SND1: variants seen among roughly 807,000 people sequenced by gnomAD.
SND1 encodes staphylococcal nuclease domain-containing protein 1.
In SND1, 38 loss-of-function variants were observed where a neutral mutation model predicts 121.7. The observed-to-expected ratio is 0.31, with a 90% confidence interval of 0.24 to 0.41. SND1 has a LOEUF of 0.41. Among genes scored for constraint, SND1 ranks in the 10% least tolerant of loss-of-function variants. The probability of loss-of-function intolerance (pLI) is 1.00; values close to 1 mark genes in which losing one functional copy is unlikely to be tolerated. For missense variants in SND1, 868 were observed against 1,184.6 expected, an observed-to-expected ratio of 0.73 and a Z score of 3.92; for synonymous variants, 401 against 447.4, an observed-to-expected ratio of 0.90 and a Z score of 1.31.
chr7:128,021,472 C>T (rs1803347528), intron 16 of SND1, among the ~76,000 whole-genome samples: 1 of 152,174 alleles, frequency 6.6e-6, no homozygotes, highest in Non-Finnish European at 1.5e-5. Context: ...TCTTAATGAA[C>T]CTGGATGAGT....
At chr7:127,791,107 A>G (rs973343500) in intron 10 of SND1, among the ~76,000 whole-genome samples, 2 of 151,424 alleles carry the variant, frequency 1.3e-5, no homozygotes, top group Non-Finnish European at 2.9e-5. Flanking sequence ...TAAATAAATC[A>G]GCAGAGTATT....
intron 12 of SND1, among the ~76,000 whole-genome samples, chr7:127,866,511 A>C (rs1184631238): frequency 6.6e-6 from 1 of 152,124 alleles, no homozygotes; most frequent in Non-Finnish European, 1.5e-5. Context: ...GTAGTGATTT[A>C]GTTATTTATA....
chr7:127,868,595 A>G (rs1799521491), intron 12 of SND1, among the ~76,000 whole-genome samples: 1 of 152,168 alleles, frequency 6.6e-6, no homozygotes, highest in South Asian at 2.1e-4. Flanking sequence ...CATTTAGAGC[A>G]TTAGCTTTGT....
At chr7:127,755,072 C>T (rs1004694147) in intron 10 of SND1, among the ~76,000 whole-genome samples, 3 of 152,162 alleles carry the variant, frequency 2.0e-5, no homozygotes, top group African/African-American at 7.2e-5. Context: ...AAACATTTGG[C>T]ATATGATCTT....
intron 10 of SND1, among the ~76,000 whole-genome samples, chr7:127,755,196 C>T (rs986310170): frequency 2.6e-5 from 4 of 152,126 alleles, no homozygotes; most frequent in Non-Finnish European, 4.4e-5. Context: ...AACTCTTCAC[C>T]GTATCATTAC....
At position 127,702,537 on chromosome 7, in the gene SND1, A is replaced by C; in HGVS notation, c.681+11A>C. On this transcript the variant is annotated intron_variant, in intron 6 of 23. Transcript: ENST00000354725. ...CTGTCAGGCATCAAGGTCAGACCATACTCTTGGCTACGTGGTGGGTTTAGA... is the reference window on the plus strand; with the variant it reads ...CTGTCAGGCATCAAGGTCAGACCATCCTCTTGGCTACGTGGTGGGTTTAGA... 1 of 1,610,326 alleles carries C rather than the reference A, an allele frequency of 6.2e-7. No individual in the cohort carries two copies. Among genetic ancestry groups the C allele is most frequent in the Non-Finnish European group, 8.5e-7 (1 of 1,176,782 alleles).
intron 10 of SND1, among the ~76,000 whole-genome samples, chr7:127,806,404 C>G (rs557617740): frequency 6.6e-6 from 1 of 152,346 alleles, no homozygotes; most frequent in South Asian, 2.1e-4. Flanking sequence ...ATAGCCACCT[C>G]TTTTAGGAGA....
intron 1 of SND1, among the ~76,000 whole-genome samples, chr7:127,656,312 TTTTC>T (rs1384843722): frequency 1.3e-3 from 197 of 151,670 alleles, no homozygotes; most frequent in African/African-American, 4.5e-3. Flanking sequence ...TTTCTTTTTC[TTTTC>T]TTTCTTTCTT....
chr7:128,042,238 C>T (rs1381289796), intron 16 of SND1: 1 of 152,208 alleles, frequency 6.6e-6, no homozygotes, highest in Non-Finnish European at 1.5e-5. Flanking sequence ...GACAGGGACT[C>T]TCCTCCCTCC....
chr7:127,760,127 G>C (rs557515525), intron 10 of SND1, among the ~76,000 whole-genome samples: 1 of 152,332 alleles, frequency 6.6e-6, no homozygotes, highest in South Asian at 2.1e-4. Flanking sequence ...CAACATGCCA[G>C]ACTTGCTCTG....
At chr7:127,942,725 A>G (rs1237490277) in intron 15 of SND1, among the ~76,000 whole-genome samples, 1 of 152,222 alleles carries the variant, frequency 6.6e-6, no homozygotes, top group African/African-American at 2.4e-5. Context: ...GTTGTTAGGC[A>G]AGCACAAATT....
intron 13 of SND1, among the ~76,000 whole-genome samples, chr7:127,889,079 T>C (rs1258364923): frequency 6.6e-6 from 1 of 152,140 alleles, no homozygotes; most frequent in Non-Finnish European, 1.5e-5. Flanking sequence ...GTCAGGCTGC[T>C]GTGGCTTTTG....
At chr7:127,705,657 A>T (rs1796177675) in intron 8 of SND1, among the ~76,000 whole-genome samples, 1 of 152,088 alleles carries the variant, frequency 6.6e-6, no homozygotes, top group Admixed American at 6.5e-5. Flanking sequence ...TCTCCATTTG[A>T]TGGGATAGAT....
intron 15 of SND1, among the ~76,000 whole-genome samples, chr7:127,934,883 G>A (rs1167750614): frequency 6.6e-6 from 1 of 152,102 alleles, no homozygotes; most frequent in East Asian, 1.9e-4. Flanking sequence ...AAGCACCCTG[G>A]AAGACACCAA....
intron 1 of SND1, among the ~76,000 whole-genome samples, chr7:127,653,944 T>A (rs1325812167): frequency 1.3e-5 from 2 of 152,228 alleles, no homozygotes; most frequent in Non-Finnish European, 2.9e-5. Context: ...CTAAAGTGGC[T>A]CTTCTTTCGT....
intron 21 of SND1, 92 bp from the exon 22 acceptor site, chr7:128,089,397 T>C (rs1793738531): frequency 3.1e-6 from 4 of 1,301,772 alleles, no homozygotes; most frequent in Non-Finnish European, 3.2e-6. Flanking sequence ...AGGCCCCTGC[T>C]GGCCAGACTT....
Position 128,092,098 on chromosome 7 carries a change from G to A in SND1, c.*40G>A. 6.2e-7 allele frequency: 1 copy of A among 1,602,884 alleles called. No homozygotes were observed. Among genetic ancestry groups the A allele is most frequent in the Non-Finnish European group, 8.5e-7 (1 of 1,170,040 alleles). On this transcript the variant is annotated 3_prime_UTR_variant, in exon 24 of 24. Coordinates refer to ENST00000354725, the MANE Select transcript of SND1 (RefSeq NM_014390.4). The surrounding 1 kb of genome is among the most constrained non-coding windows in gnomAD (Gnocchi z 4.9). ...TTGGCCCCCAGCCCCGCTCACGCCAGTCCCTCTTCCTCTGCCGGGAGGGTG... is the reference window on the plus strand; with the variant it reads ...TTGGCCCCCAGCCCCGCTCACGCCAATCCCTCTTCCTCTGCCGGGAGGGTG...
chr7:127,858,346 A>T, intron 12 of SND1: 2 of 1,346,284 alleles, frequency 1.5e-6, no homozygotes, highest in Middle Eastern at 2.3e-4. Flanking sequence ...GGGCCCCCAG[A>T]TGCCTCAGTG....
At position 128,091,985 on chromosome 7, in the gene SND1, T is replaced by G. The variant is rs774614176; in HGVS notation, c.2668-8T>G. ...CCCTGAAGAGCTATTGTCTGTTTTT[T>G]CTTACAGCTGAACCTGTGGCGCTAT... is the stretch of plus-strand genomic sequence containing the variant. On this transcript the variant is annotated splice_region_variant and splice_polypyrimidine_tract_variant and intron_variant, in intron 23 of 23. Coordinates refer to ENST00000354725, the MANE Select transcript of SND1 (RefSeq NM_014390.4). The G allele has an allele frequency of 9.9e-6, 16 of 1,614,220 alleles. No individual in the cohort carries two copies. The highest frequency in any genetic ancestry group is 1.4e-5 in the Non-Finnish European group (16 of 1,180,022).
Sources: allele counts gnomAD v4.1 joint callset (sites outside exome capture counted in the v4.1 genomes callset), GRCh38; gene constraint gnomAD v4.1.1; non-coding constraint Gnocchi (gnomAD v3.1); transcripts MANE v1.5; gene names NCBI Gene and HGNC (gene_info 2026-07-23, HGNC 2026-07-21).